The following DNAJC5B variants were observed in gnomAD, a reference collection of about 807,000 sequenced individuals.
The protein encoded by DNAJC5B is dnaJ homolog subfamily C member 5B.
A neutral mutation model predicts 24.7 loss-of-function variants in DNAJC5B; 23 were observed. The observed-to-expected ratio is 0.93, with a 90% CI of 0.67 to 1.32. The LOEUF (loss-of-function observed/expected upper bound fraction) is 1.32. Ranked by LOEUF, DNAJC5B falls within the 40% of genes most tolerant of loss-of-function variation. The pLI, the probability that DNAJC5B is intolerant of heterozygous loss-of-function variation, is 0.00. For missense variants in DNAJC5B, 238 were observed against 240.8 expected (o/e 0.99, Z 0.08); for synonymous variants, 101 against 90.1 (o/e 1.12, Z -0.68).
At chr8:66,081,759 G>A (rs1431847112) in intron 5 of DNAJC5B, among the ~76,000 whole-genome samples, 1 of 152,062 alleles carries the variant, frequency 6.6e-6, no homozygotes, top group African/African-American at 2.4e-5. Context: ...CTTGAAACCT[G>A]GGACCCCTTG....
chr8:66,024,269 T>C (rs1358443706), intron 1 of DNAJC5B, among the ~76,000 whole-genome samples: 1 of 152,234 alleles, frequency 6.6e-6, no homozygotes, highest in South Asian at 2.1e-4. Context: ...GTTGTTGTAA[T>C]AACTTTCAGC....
In DNAJC5B at chr8:66,095,780, T is replaced by C. The variant is rs1490453205; in HGVS notation, c.506-4157T>C. On this transcript the variant is annotated intron_variant, in intron 5 of 5. Transcript: ENST00000276570. ...TGATTTTTTCTTTAAGCTAGGCCTG[T>C]GTATATCTTAATTTTCAATCTTGGG... 2.0e-5 allele frequency among the ~76,000 whole-genome samples: 3 copies of C among 152,028 alleles called. No individual in the cohort carries two copies. In the East Asian group the frequency reaches 5.8e-4, roughly 29 times the overall value.
At chr8:66,094,538 C>A (rs780416936) in intron 5 of DNAJC5B, among the ~76,000 whole-genome samples, 1 of 151,974 alleles carries the variant, frequency 6.6e-6, no homozygotes, top group Non-Finnish European at 1.5e-5. Flanking sequence ...CCTGTAAATT[C>A]TTTAGGGTTT....
chr8:66,099,071 A>C (rs1808017864), intron 5 of DNAJC5B, among the ~76,000 whole-genome samples: 1 of 144,442 alleles, frequency 6.9e-6, no homozygotes. Context: ...CACAACTTCT[A>C]TTTCTCTACC....
At chr8:66,038,881 A>G (rs1420432969) in intron 1 of DNAJC5B, among the ~76,000 whole-genome samples, 1 of 152,224 alleles carries the variant, frequency 6.6e-6, no homozygotes, top group African/African-American at 2.4e-5. Flanking sequence ...TGTGAAATAC[A>G]TATTATGTTG....
At chr8:66,030,542 C>A (rs943600068) in intron 1 of DNAJC5B, among the ~76,000 whole-genome samples, 1 of 152,226 alleles carries the variant, frequency 6.6e-6, no homozygotes, top group African/African-American at 2.4e-5. Flanking sequence ...ACCACTGCCC[C>A]CTTCCTCTAC....
chr8:66,075,493 T>A (rs1372380837), intron 3 of DNAJC5B, among the ~76,000 whole-genome samples: 2 of 152,222 alleles, frequency 1.3e-5, no homozygotes, highest in African/African-American at 4.8e-5. Flanking sequence ...CATTTTATGC[T>A]ATTAGCAAAT....
At chr8:66,022,450 T>G (rs1472692537) in intron 1 of DNAJC5B, among the ~76,000 whole-genome samples, 1 of 151,764 alleles carries the variant, frequency 6.6e-6, no homozygotes, top group Non-Finnish European at 1.5e-5. Flanking sequence ...GACCCCGGAG[T>G]TGGAGCACAG....
intron 3 of DNAJC5B, among the ~76,000 whole-genome samples, chr8:66,071,869 A>G (rs947415892): frequency 5.3e-5 from 8 of 152,344 alleles, no homozygotes; most frequent in African/African-American, 1.9e-4. Flanking sequence ...CTATGCAGCC[A>G]TAAAAAAGAA....
intron 4 of DNAJC5B, among the ~76,000 whole-genome samples, chr8:66,077,796 T>C (rs539428941): frequency 4.0e-4 from 61 of 152,368 alleles, no homozygotes; most frequent in Non-Finnish European, 5.1e-4. Context: ...TACATCAGCA[T>C]GCAAAAGGAT....
intron 5 of DNAJC5B, among the ~76,000 whole-genome samples, chr8:66,092,612 G>C (rs538405029): frequency 2.0e-5 from 3 of 152,176 alleles, no homozygotes; most frequent in South Asian, 2.1e-4. Flanking sequence ...AGAGCTCCTT[G>C]TTTGCTCTTC....
At chr8:66,037,003 G>T (rs558300813) in intron 1 of DNAJC5B, among the ~76,000 whole-genome samples, 1 of 152,298 alleles carries the variant, frequency 6.6e-6, no homozygotes, top group South Asian at 2.1e-4. Context: ...GAGCTACCTC[G>T]TGCAGGGACC....
At chr8:66,069,941 C>A (rs1208847454) in intron 3 of DNAJC5B, among the ~76,000 whole-genome samples, 3 of 152,048 alleles carry the variant, frequency 2.0e-5, no homozygotes, top group Non-Finnish European at 4.4e-5. Flanking sequence ...TCAAGTAAAC[C>A]GAACCAATGA....
chr8:66,083,612 C>T (rs908097599), intron 5 of DNAJC5B, among the ~76,000 whole-genome samples: 2 of 152,188 alleles, frequency 1.3e-5, no homozygotes, highest in Non-Finnish European at 2.9e-5. Context: ...CCAATGGACA[C>T]ATTCACATTT....
chr8:66,023,152 G>A (rs1586056442), intron 1 of DNAJC5B, among the ~76,000 whole-genome samples: 1 of 152,148 alleles, frequency 6.6e-6, no homozygotes, highest in South Asian at 2.1e-4. Context: ...CTCAGCTAAG[G>A]GTATCAAGCT....
intron 2 of DNAJC5B, among the ~76,000 whole-genome samples, chr8:66,045,823 A>G (rs1030713620): frequency 4.5e-4 from 69 of 152,338 alleles, no homozygotes; most frequent in African/African-American, 1.7e-3. Context: ...GATACTGGAC[A>G]GGATTCAGGC....
chr8:66,017,258 C>T (rs113653492), upstream of DNAJC5B, among the ~76,000 whole-genome samples: 8 of 152,278 alleles, frequency 5.3e-5, no homozygotes, highest in East Asian at 3.9e-4. Flanking sequence ...TCAACTCAAA[C>T]GACTTTTATT....
intron 1 of DNAJC5B, among the ~76,000 whole-genome samples, chr8:66,039,342 C>A (rs2128957549): frequency 6.9e-6 from 1 of 145,498 alleles, no homozygotes; most frequent in Non-Finnish European, 1.5e-5. Context: ...ACACCCACTT[C>A]ATACTTTTTT....
chr8:66,019,013 G>A (rs570399681), upstream of DNAJC5B, among the ~76,000 whole-genome samples: 56 of 152,312 alleles, frequency 3.7e-4, no homozygotes, highest in African/African-American at 1.3e-3. Context: ...CAGGTGTGAG[G>A]CTTTGCCTGC....
Sources: gnomAD v4.1 joint callset for allele counts (sites outside exome capture counted in the v4.1 genomes callset) on GRCh38, gnomAD v4.1.1 for gene constraint, MANE v1.5 for transcripts, NCBI Gene and HGNC (gene_info 2026-07-23, HGNC 2026-07-21) for gene names.